Variants in LRRFIP1 observed in about 807,000 individuals in gnomAD.
LRRFIP1 encodes the protein leucine-rich repeat flightless-interacting protein 1.
In LRRFIP1, 62 loss-of-function variants were observed where a neutral mutation model predicts 104.4. The ratio of observed to expected loss-of-function variants is 0.59; its 90% CI spans 0.48 to 0.73. The LOEUF (loss-of-function observed/expected upper bound fraction) is 0.73. Among genes scored for constraint, LRRFIP1 ranks in the 30% least tolerant of loss-of-function variants. The probability of loss-of-function intolerance (pLI) is 0.00; values close to 1 mark genes in which losing one functional copy is unlikely to be tolerated. For missense variants in LRRFIP1, 796 were observed against 824.5 expected (o/e 0.97, Z 0.42); for synonymous variants, 300 against 299.0 (o/e 1.00, Z -0.03).
intron 11 of LRRFIP1, among the ~76,000 whole-genome samples, chr2:237,744,083 A>G (rs2057481201): frequency 6.6e-6 from 1 of 152,250 alleles, no homozygotes; most frequent in Non-Finnish European, 1.5e-5. Context: ...AGGCAGGGGC[A>G]GGGACCAGGT....
chr2:237,648,015 C>G (rs1041908364), intron 1 of LRRFIP1, among the ~76,000 whole-genome samples: 8 of 152,088 alleles, frequency 5.3e-5, no homozygotes, highest in Admixed American at 3.9e-4. Context: ...TCTAAATAAT[C>G]AGTACAGCTT....
At position 237,756,103 on chromosome 2, in the gene LRRFIP1, A is replaced by G; in HGVS notation, c.1047A>G (p.Glu349=). The part of the protein sequence containing the change: ...RQYEEKNKEF[E]REKHAHSILQ... ...GTTTTTCTCCTTTACAGGAATTTGAAAGGGAAAAACACGCCCACAGTATAC... is the reference window on the plus strand; with the variant it reads ...GTTTTTCTCCTTTACAGGAATTTGAGAGGGAAAAACACGCCCACAGTATAC... The change falls in exon 16 of 24, where the codon GAA becomes GAG. Residue 349 remains glutamate, a synonymous_variant. Coordinates refer to ENST00000308482, the MANE Select transcript of LRRFIP1 (RefSeq NM_001137550.2). 6.2e-7 allele frequency: 1 copy of G among 1,613,250 alleles called. No homozygotes were observed. The highest frequency in any genetic ancestry group is 8.5e-7 in the Non-Finnish European group (1 of 1,179,540).
intron 1 of LRRFIP1, among the ~76,000 whole-genome samples, chr2:237,643,898 G>A (rs1205663981): frequency 6.6e-6 from 1 of 152,236 alleles, no homozygotes; most frequent in Admixed American, 6.5e-5. Flanking sequence ...ATTTGGCCAG[G>A]TGTGGGTTCT....
chr2:237,729,118 A>G (rs7567340), intron 8 of LRRFIP1, among the ~76,000 whole-genome samples: 19,305 of 152,086 alleles, frequency 0.13, 2,816 homozygotes, highest in African/African-American at 0.36. Flanking sequence ...GTAGAGATGG[A>G]GTTTCACCCT....
Position 237,758,798 on chromosome 2 carries a change from G to T in LRRFIP1, c.1294G>T (p.Val432Phe), listed in dbSNP as rs755568485. The part of the protein sequence containing the change: ...SERDDLREEV[V>F]MLKEELKKHG... ...ACGGGATGATCTTAGAGAAGAAGTA[G>T]TCATGCTGAAAGAGGAATTAAAGGT... is the stretch of plus-strand genomic sequence containing the variant. The change falls in exon 18 of 24, where the codon GTC (valine) becomes TTC (phenylalanine). Residue 432 changes from valine (V) to phenylalanine (F), a missense_variant. Transcript: ENST00000308482. 5.0e-6 allele frequency: 8 copies of T among 1,612,566 alleles called. No homozygotes were observed. In the South Asian group the frequency reaches 8.8e-5, roughly 18 times the overall value.
At chr2:237,774,169 C>T (rs1057254274) in intron 22 of LRRFIP1, 189 bp from the exon 23 acceptor site, 3 of 568,338 alleles carry the variant, frequency 5.3e-6, no homozygotes, top group African/African-American at 1.9e-5. Context: ...AGCACAGGGT[C>T]GCCCAGAAAT....
intron 19 of LRRFIP1, among the ~76,000 whole-genome samples, chr2:237,761,384 C>A (rs567341931): frequency 2.6e-5 from 4 of 152,198 alleles, no homozygotes; most frequent in African/African-American, 4.8e-5. Flanking sequence ...TATCTATATA[C>A]CGTTGTTGAG....
chr2:237,692,254 C>G (rs2092845140), intron 1 of LRRFIP1: 22 of 1,142,940 alleles, frequency 1.9e-5, no homozygotes, highest in Non-Finnish European at 2.3e-5. Flanking sequence ...GCGCCCCGCC[C>G]CTGTCGGCCG....
chr2:237,724,423 A>G (rs2094659286), intron 7 of LRRFIP1, among the ~76,000 whole-genome samples: 1 of 152,254 alleles, frequency 6.6e-6, no homozygotes, highest in Admixed American at 6.5e-5. Flanking sequence ...AGTAGCATAC[A>G]TCTGCATAGC....
chr2:237,776,451 A>G (rs935009072), intron 23 of LRRFIP1, among the ~76,000 whole-genome samples: 2 of 152,220 alleles, frequency 1.3e-5, no homozygotes, highest in African/African-American at 2.4e-5. Flanking sequence ...TCCACTGATC[A>G]AACTTGTGAA....
intron 1 of LRRFIP1, among the ~76,000 whole-genome samples, chr2:237,656,219 T>C (rs34255425): frequency 0.13 from 20,443 of 152,278 alleles, 1,877 homozygotes; most frequent in Non-Finnish European, 0.21. Flanking sequence ...GGCAAATCAG[T>C]GCTATGTATA....
Position 237,723,400 on chromosome 2 carries a change from A to G in LRRFIP1, c.346-148A>G, listed in dbSNP as rs79963991. The G allele has an allele frequency of 3.6e-3, 2,623 of 732,658 alleles. 36 individuals are homozygous for G. In the African/African-American group the frequency reaches 0.039, roughly 11 times the overall value. The allele number at this position is 732,658 out of a possible 1,614,324, so 45.4% of individuals were successfully genotyped here. A position where few individuals can be genotyped will look rare whatever the true frequency, so the allele number is the denominator to read the frequency against. ...TTCTGACATAATTCTTTTTGTAAAT[A>G]CATATTAGATCCTAGAAATTATGGA... is the stretch of plus-strand genomic sequence containing the variant. On this transcript the variant is annotated intron_variant, in intron 6 of 23. Coordinates refer to ENST00000308482, the MANE Select transcript of LRRFIP1 (RefSeq NM_001137550.2).
At chr2:237,720,977 G>T (rs1003917269) in intron 6 of LRRFIP1, 155 bp downstream of exon 6, 1 of 657,010 alleles carries the variant, frequency 1.5e-6, no homozygotes. Flanking sequence ...AAATCAATGG[G>T]GGATGTTTCT....
Position 237,760,183 on chromosome 2 carries a change from G to A in LRRFIP1, c.1437G>A (p.Lys479=), listed in dbSNP as rs760657746. 2 of 1,614,122 alleles carry A rather than the reference G, an allele frequency of 1.2e-6. No individual in the cohort carries two copies. Among genetic ancestry groups the A allele is most frequent in the Admixed American group, 3.3e-5 (2 of 60,016 alleles). Residue 479 remains lysine, a synonymous_variant, in exon 19 of 24, where the codon AAG becomes AAA. Transcript: ENST00000308482. ...KMTKEELNAL[K]STGDGTLDIR... is the part of the protein sequence containing the mutation. The stretch of plus-strand genomic sequence containing the variant: ...CAAAAGAAGAGTTAAATGCCCTCAA[G>A]TCGACAGGGGATGGGACCCTAGGTA...
chr2:237,686,923 C>T (rs2092412022), intron 1 of LRRFIP1, among the ~76,000 whole-genome samples: 1 of 152,210 alleles, frequency 6.6e-6, no homozygotes, highest in Non-Finnish European at 1.5e-5. Context: ...TGGCATTGAC[C>T]TGGGTGTGTG....
At chr2:237,734,009 T>C (rs1223215801) in intron 9 of LRRFIP1, among the ~76,000 whole-genome samples, 191 bp downstream of exon 9, 1 of 152,214 alleles carries the variant, frequency 6.6e-6, no homozygotes, top group Non-Finnish European at 1.5e-5. Context: ...TCTCCCCCGA[T>C]TGTTGACTGT....
chr2:237,770,897 CT>C (rs1559860688), intron 20 of LRRFIP1: 1 of 152,186 alleles, frequency 6.6e-6, no homozygotes, highest in Non-Finnish European at 1.5e-5. Context: ...CCTCATAAGC[CT>C]AATCAAATGT....
Position 237,758,767 on chromosome 2 carries a change from G to A in LRRFIP1, c.1263G>A (p.Arg421=), listed in dbSNP as rs141022142. Residue 421 remains arginine (R), a synonymous_variant, in exon 18 of 24, where the codon AGG becomes AGA. Transcript: ENST00000308482. The part of the protein sequence containing the change: ...ERQKEFFDSV[R]SERDDLREEV... The stretch of plus-strand genomic sequence containing the variant: ...AGAAAGAGTTCTTTGATTCCGTAAG[G>A]AGTGAACGGGATGATCTTAGAGAAG... 1.9e-6 allele frequency: 3 copies of A among 1,613,568 alleles called. No homozygotes were observed. The highest frequency in any genetic ancestry group is 2.5e-6 in the Non-Finnish European group (3 of 1,179,734).
At chr2:237,701,150 C>T (rs1236861249) in intron 1 of LRRFIP1, among the ~76,000 whole-genome samples, 2 of 152,182 alleles carry the variant, frequency 1.3e-5, no homozygotes, top group African/African-American at 4.8e-5. Flanking sequence ...AAGCAAGCTG[C>T]CCAGCGAGCC....
Sources: allele counts gnomAD v4.1 joint callset (sites outside exome capture counted in the v4.1 genomes callset), GRCh38; gene constraint gnomAD v4.1.1; transcripts MANE v1.5; gene names NCBI Gene and HGNC (gene_info 2026-07-23, HGNC 2026-07-21).